Variants in SRP54 observed in about 807,000 individuals in gnomAD.
SRP54 encodes signal recognition particle subunit SRP54.
SRP54 carries 10 observed loss-of-function variants against 64.8 expected under a neutral mutation model. That is an observed-to-expected ratio of 0.15 (90% confidence interval 0.10 to 0.26). SRP54 has a LOEUF of 0.26. SRP54 is among the 10% of genes least tolerant of loss of function. SRP54 has a pLI of 1.00. For missense variants in SRP54, 325 were observed against 613.7 expected, an observed-to-expected ratio of 0.53 and a Z score of 4.97; for synonymous variants, 193 against 185.6, an observed-to-expected ratio of 1.04 and a Z score of -0.32.
chr14:34,986,329 A>G (rs1566639466), intron 1 of SRP54, among the ~76,000 whole-genome samples: 1 of 152,182 alleles, frequency 6.6e-6, no homozygotes, highest in Admixed American at 6.5e-5. Flanking sequence ...TATCTTTTGA[A>G]GGGAGTCTTG....
chr14:34,983,730 A>T (rs915602746), intron 1 of SRP54, among the ~76,000 whole-genome samples: 1 of 152,208 alleles, frequency 6.6e-6, no homozygotes, highest in South Asian at 2.1e-4. Flanking sequence ...TCTTCATGCT[A>T]TCCTCACCTG....
intron 7 of SRP54, among the ~76,000 whole-genome samples, chr14:35,010,679 C>G (rs1041580815): frequency 6.6e-6 from 1 of 151,892 alleles, no homozygotes; most frequent in Non-Finnish European, 1.5e-5. Context: ...GCACGAGAAT[C>G]CCTTGAACCC....
chr14:35,018,386 C>G (rs1250609742), intron 11 of SRP54, among the ~76,000 whole-genome samples: 1 of 152,104 alleles, frequency 6.6e-6, no homozygotes, highest in African/African-American at 2.4e-5. Context: ...TATTGTCAAC[C>G]TTTAAAATTT....
At chr14:34,988,187 C>T (rs1182326674) in intron 1 of SRP54, among the ~76,000 whole-genome samples, 1 of 151,910 alleles carries the variant, frequency 6.6e-6, no homozygotes, top group African/African-American at 2.4e-5. Flanking sequence ...GAATTATTTC[C>T]TTGGGGAATA....
chr14:35,016,558 C>G (rs1045617791), intron 11 of SRP54, among the ~76,000 whole-genome samples: 3 of 152,202 alleles, frequency 2.0e-5, no homozygotes, highest in Admixed American at 1.3e-4. Flanking sequence ...CAGATTTCTC[C>G]TTAAATGTCC....
At chr14:35,011,797 C>G (rs1197030095) in intron 8 of SRP54, 138 bp downstream of exon 8, 2 of 660,948 alleles carry the variant, frequency 3.0e-6, no homozygotes, top group Non-Finnish European at 4.6e-6. Flanking sequence ...TTTTGGGCAC[C>G]TATATCTATG....
chr14:35,001,223 T>C (rs1272158714), intron 4 of SRP54, among the ~76,000 whole-genome samples: 1 of 143,762 alleles, frequency 7.0e-6, no homozygotes, highest in Non-Finnish European at 1.5e-5. Flanking sequence ...TTGCCCAGGC[T>C]GGAGTGCAAC....
At chr14:35,003,931 T>C (rs1483378931) in intron 4 of SRP54, among the ~76,000 whole-genome samples, 1 of 70,088 alleles carries the variant, frequency 1.4e-5, no homozygotes, top group Non-Finnish European at 3.4e-5. Flanking sequence ...GAGACCTGTC[T>C]CAAAATAAAT....
intron 11 of SRP54, 112 bp downstream of exon 11, chr14:35,014,942 C>A: frequency 1.5e-6 from 1 of 680,750 alleles, no homozygotes; most frequent in Non-Finnish European, 2.4e-6. Context: ...AGATCTTCCA[C>A]TGCTTATTAT....
chr14:35,017,116 A>G (rs559550172), intron 11 of SRP54, among the ~76,000 whole-genome samples: 8 of 152,042 alleles, frequency 5.3e-5, no homozygotes, highest in Non-Finnish European at 1.0e-4. Flanking sequence ...CGGCCTCCCA[A>G]AGTGCTGAGA....
At chr14:34,983,791 A>G (rs1395330184) in intron 1 of SRP54, among the ~76,000 whole-genome samples, 2 of 152,232 alleles carry the variant, frequency 1.3e-5, no homozygotes, top group Non-Finnish European at 2.9e-5. Flanking sequence ...CTTGGCTACA[A>G]GGATACAGAA....
intron 1 of SRP54, among the ~76,000 whole-genome samples, chr14:34,984,894 C>T (rs2043869585): frequency 6.8e-6 from 1 of 146,060 alleles, no homozygotes; most frequent in African/African-American, 2.5e-5. Context: ...ACCAAATGCA[C>T]TGTCTTCACC....
chr14:35,028,015 T>C (rs1021115801), intron 14 of SRP54, 73 bp from the exon 15 acceptor site: 2 of 866,242 alleles, frequency 2.3e-6, no homozygotes, highest in African/African-American at 1.7e-5. Flanking sequence ...CATCAAACTT[T>C]CTATTATACC....
intron 5 of SRP54, among the ~76,000 whole-genome samples, chr14:35,007,813 G>A (rs778432238): frequency 7.7e-6 from 1 of 129,776 alleles, no homozygotes; most frequent in Non-Finnish European, 1.7e-5. Flanking sequence ...AAGATATAAA[G>A]CCAGGCTTTA....
At chr14:34,996,573 CA>C in intron 1 of SRP54, 103 bp from the exon 2 acceptor site, 2 of 642,118 alleles carry the variant, frequency 3.1e-6, no homozygotes, top group East Asian at 5.2e-5. Flanking sequence ...GGTGATCTTA[CA>C]GTATCTAAAC....
At position 34,996,792 on chromosome 14, in the gene SRP54, G is replaced by A; in HGVS notation, c.78+5G>A. The A allele has an allele frequency of 6.3e-7, 1 of 1,581,626 alleles. No homozygotes were observed. The highest frequency in any genetic ancestry group is 8.7e-7 in the Non-Finnish European group (1 of 1,150,554). ...GCCACCATTATCAATGAAGAGGTAT[G>A]TAAAATATTGTATGAAATATATATG... On this transcript the variant is annotated splice_donor_5th_base_variant and intron_variant, in intron 2 of 15. Transcript: ENST00000216774.
chr14:35,007,591 TAATAA>T (rs904330270), intron 5 of SRP54, among the ~76,000 whole-genome samples: 2 of 146,200 alleles, frequency 1.4e-5, no homozygotes, highest in African/African-American at 4.9e-5. Flanking sequence ...ATTTATATTA[TAATAA>T]AATATATTTA....
intron 14 of SRP54, among the ~76,000 whole-genome samples, chr14:35,026,362 A>C (rs1433925153): frequency 2.0e-5 from 3 of 151,892 alleles, no homozygotes; most frequent in South Asian, 2.1e-4. Context: ...CAAGTAGCTG[A>C]GACTACAGAC....
intron 8 of SRP54, among the ~76,000 whole-genome samples, chr14:35,012,758 T>G (rs1283175753): frequency 5.9e-5 from 9 of 152,150 alleles, no homozygotes; most frequent in Admixed American, 5.9e-4. Flanking sequence ...CCATTTTCGT[T>G]GTTATACATC....
Sources: gnomAD v4.1 joint callset for allele counts (sites outside exome capture counted in the v4.1 genomes callset) on GRCh38, gnomAD v4.1.1 for gene constraint, MANE v1.5 for transcripts, NCBI Gene and HGNC (gene_info 2026-07-23, HGNC 2026-07-21) for gene names.